HERC4: variants seen among roughly 807,000 people sequenced by gnomAD.
The protein encoded by HERC4 is probable E3 ubiquitin-protein ligase HERC4.
A neutral mutation model predicts 124.3 loss-of-function variants in HERC4; 28 were observed. The ratio of observed to expected loss-of-function variants is 0.23; its 90% CI spans 0.17 to 0.31. The LOEUF (loss-of-function observed/expected upper bound fraction) is 0.31. Ranked by LOEUF, HERC4 falls within the 10% of genes least tolerant of loss-of-function variation. The pLI is 1.00. For synonymous variants in HERC4, 407 were observed against 421.5 expected (o/e 0.97, Z 0.42); for missense variants, 713 against 1,229.3 (o/e 0.58, Z 6.28).
chr10:67,968,348 C>T (rs2132469995), intron 15 of HERC4, among the ~76,000 whole-genome samples: 1 of 151,046 alleles, frequency 6.6e-6, no homozygotes, highest in Non-Finnish European at 1.5e-5. Context: ...CCCAATAAAC[C>T]AACAGAAAGC....
intron 15 of HERC4, among the ~76,000 whole-genome samples, chr10:67,976,098 T>G (rs1305297707): frequency 1.3e-5 from 2 of 151,888 alleles, no homozygotes; most frequent in African/African-American, 4.8e-5. Context: ...CTGTCCACAG[T>G]GGAGTTGAGA....
At position 67,988,776 on chromosome 10, in the gene HERC4, C is replaced by T. The variant is rs781192397; in HGVS notation, c.1693G>A (p.Glu565Lys). Residue 565 changes from glutamate (E) to lysine (K), a missense_variant, in exon 15 of 25, where the codon GAA becomes AAA. Coordinates refer to ENST00000373700, the MANE Select transcript of HERC4 (RefSeq NM_015601.4). The stretch of plus-strand genomic sequence containing the variant: ...AGTTTCAAAAGATGTACCACAACTT[C>T]CTTAAAAAGTTCTACTATCTTGAGG... ...LFLKIVELFK[E>K]VVVHLLKLYK... 2.5e-6 allele frequency: 4 copies of T among 1,607,284 alleles called. No individual in the cohort carries two copies. The highest frequency in any genetic ancestry group is 3.4e-6 in the Non-Finnish European group (4 of 1,176,278).
intron 3 of HERC4, among the ~76,000 whole-genome samples, chr10:68,047,983 G>A (rs573803643): frequency 1.3e-4 from 20 of 151,436 alleles, no homozygotes; most frequent in East Asian, 5.8e-4. Context: ...GAAGTGCAGC[G>A]GCATAATCAT....
chr10:68,073,185 G>T lies in HERC4; in HGVS notation c.-77C>A. 1 of 1,092,536 alleles carries T rather than the reference G, an allele frequency of 9.2e-7. No homozygotes were observed. The highest frequency in any genetic ancestry group is 1.3e-6 in the Non-Finnish European group (1 of 745,120). 67.7% of individuals were successfully genotyped at this position (1,092,536 alleles called of 1,614,324 possible). A position where few individuals can be genotyped will look rare whatever the true frequency, so the allele number is the denominator to read the frequency against. On this transcript the variant is annotated splice_region_variant and 5_prime_UTR_variant, in exon 3 of 25. Transcript: ENST00000373700. Reference sequence around the variant, plus strand: ...CCCCGGAAAGTTGGAGGTACCCTATGTCTGAGGAAATAGAAAGAAGTTAAT... The same window carrying T: ...CCCCGGAAAGTTGGAGGTACCCTATTTCTGAGGAAATAGAAAGAAGTTAAT...
intron 22 of HERC4, 77 bp downstream of exon 22, chr10:67,936,076 T>A: frequency 2.3e-6 from 2 of 883,956 alleles, no homozygotes; most frequent in South Asian, 3.7e-5. Context: ...CTTAGGGTTG[T>A]GACACGTTTT....
At chr10:67,959,654 A>G (rs949624334) in intron 16 of HERC4, among the ~76,000 whole-genome samples, 13 of 152,340 alleles carry the variant, frequency 8.5e-5, no homozygotes, top group South Asian at 2.1e-4. Flanking sequence ...ACAGTAAAAC[A>G]TAAGGTATCT....
At chr10:67,972,219 GAA>G (rs767498811) in intron 15 of HERC4, among the ~76,000 whole-genome samples, 3 of 51,198 alleles carry the variant, frequency 5.9e-5, no homozygotes, top group Admixed American at 2.4e-4. Context: ...TGTCTCAAAG[GAA>G]AAAAAAAAAA....
chr10:67,979,916 G>A (rs1009192606), intron 15 of HERC4, among the ~76,000 whole-genome samples: 4 of 150,446 alleles, frequency 2.7e-5, no homozygotes, highest in African/African-American at 7.3e-5. Flanking sequence ...CAGCCTGGGC[G>A]ACAGAGCAAG....
chr10:68,012,844 AT>A, intron 9 of HERC4, among the ~76,000 whole-genome samples: 1 of 152,336 alleles, frequency 6.6e-6, no homozygotes, highest in East Asian at 1.9e-4. Context: ...AGCTTTAGTA[AT>A]TCTCGCAATA....
chr10:67,936,313 T>C, intron 21 of HERC4, 78 bp from the exon 22 acceptor site: 1 of 772,280 alleles, frequency 1.3e-6, no homozygotes, highest in South Asian at 2.1e-5. Flanking sequence ...TCTACCTTTC[T>C]CTCATTTAAT....
At chr10:68,013,027 G>A (rs766681697) in intron 9 of HERC4, among the ~76,000 whole-genome samples, 13 of 152,102 alleles carry the variant, frequency 8.5e-5, no homozygotes, top group Non-Finnish European at 1.5e-4. Context: ...GCATTTTATT[G>A]TGCTTTGCTT....
intron 3 of HERC4, among the ~76,000 whole-genome samples, chr10:68,047,150 T>C (rs1218872567): frequency 6.6e-6 from 1 of 151,104 alleles, no homozygotes; most frequent in Non-Finnish European, 1.5e-5. Flanking sequence ...AAAAATAGTA[T>C]TCATCTCAGA....
intron 22 of HERC4, among the ~76,000 whole-genome samples, chr10:67,934,309 T>G (rs2132059639): frequency 6.6e-6 from 1 of 152,332 alleles, no homozygotes; most frequent in Admixed American, 6.5e-5. Flanking sequence ...TCTGTTTTCT[T>G]TAGTTTGCTA....
chr10:67,936,120 T>C (rs1301047726), intron 22 of HERC4, 33 bp downstream of exon 22: 3 of 1,363,468 alleles, frequency 2.2e-6, no homozygotes, highest in Non-Finnish European at 2.0e-6. Context: ...CTGAATCTTA[T>C]TACTCCCACT....
chr10:67,948,683 G>A (rs2033570526), intron 19 of HERC4, among the ~76,000 whole-genome samples: 1 of 152,114 alleles, frequency 6.6e-6, no homozygotes, highest in Admixed American at 6.5e-5. Flanking sequence ...CACTTTGGGA[G>A]GCTGAGGTAG....
chr10:67,984,408 G>T (rs12254112), intron 15 of HERC4, among the ~76,000 whole-genome samples: 3 of 151,778 alleles, frequency 2.0e-5, no homozygotes, highest in Admixed American at 6.6e-5. Context: ...GACAAATATC[G>T]CATGTTCTCA....
At chr10:67,927,405 T>C (rs1589107960) in intron 23 of HERC4, among the ~76,000 whole-genome samples, 1 of 10,990 alleles carries the variant, frequency 9.1e-5, no homozygotes, top group African/African-American at 2.5e-4. Flanking sequence ...TATATATATA[T>C]ATATATATAT....
chr10:67,979,282 G>A (rs532052201), intron 15 of HERC4, among the ~76,000 whole-genome samples: 3 of 152,150 alleles, frequency 2.0e-5, no homozygotes, highest in African/African-American at 4.8e-5. Context: ...CAAAGAGACT[G>A]AAATCATTTA....
chr10:68,032,619 A>G (rs1023368809), intron 7 of HERC4, among the ~76,000 whole-genome samples, 159 bp downstream of exon 7: 1 of 152,098 alleles, frequency 6.6e-6, no homozygotes, highest in Non-Finnish European at 1.5e-5. Context: ...AATAAGGTAA[A>G]TTTTTTTCAA....
Sources: gnomAD v4.1 joint callset for allele counts (sites outside exome capture counted in the v4.1 genomes callset) on GRCh38, gnomAD v4.1.1 for gene constraint, MANE v1.5 for transcripts, NCBI Gene and HGNC (gene_info 2026-07-23, HGNC 2026-07-21) for gene names.